The following SPAG16 variants were observed in gnomAD, a reference collection of about 807,000 sequenced individuals.
The protein encoded by SPAG16 is sperm associated antigen 16, also known as sperm-associated antigen 16 protein.
A neutral mutation model predicts 80.4 loss-of-function variants in SPAG16; 86 were observed. The ratio of observed to expected loss-of-function variants is 1.07; its 90% CI spans 0.90 to 1.28. The LOEUF (loss-of-function observed/expected upper bound fraction) is 1.28, where lower values mean the gene tolerates loss of function less well. Ranked by LOEUF, SPAG16 falls within the 50% of genes most tolerant of loss-of-function variation. The pLI is 0.00. For missense variants in SPAG16, 870 were observed against 765.3 expected (o/e 1.14, Z -1.61); for synonymous variants, 294 against 265.9 (o/e 1.11, Z -1.03).
chr2:213,972,202 T>C (rs1326420400), intron 12 of SPAG16, among the ~76,000 whole-genome samples: 1 of 151,364 alleles, frequency 6.6e-6, no homozygotes, highest in African/African-American at 2.4e-5. Context: ...TAAATCTCCT[T>C]TGGAGAAATG....
chr2:213,323,912 G>C (rs184260986), intron 5 of SPAG16, among the ~76,000 whole-genome samples: 1 of 152,202 alleles, frequency 6.6e-6, no homozygotes, highest in African/African-American at 2.4e-5. Context: ...CCATATATGA[G>C]GTATTTAATA....
intron 9 of SPAG16, among the ~76,000 whole-genome samples, chr2:213,446,240 AACCAG>A (rs1435899314): frequency 1.3e-5 from 2 of 152,212 alleles, no homozygotes; most frequent in African/African-American, 2.4e-5. Flanking sequence ...GATGGTTCAT[AACCAG>A]ACTGAAATGG....
chr2:213,799,193 T>C (rs1417548193), intron 10 of SPAG16, among the ~76,000 whole-genome samples: 2 of 152,186 alleles, frequency 1.3e-5, no homozygotes, highest in Non-Finnish European at 2.9e-5. Context: ...TTAAGTCTTC[T>C]GATACATGAA....
intron 9 of SPAG16, among the ~76,000 whole-genome samples, chr2:213,454,155 A>T (rs1159810805): frequency 6.6e-6 from 1 of 152,194 alleles, no homozygotes; most frequent in Non-Finnish European, 1.5e-5. Flanking sequence ...GATCATGGCC[A>T]CATAATCTAC....
At chr2:213,662,014 C>A (rs947066923) in intron 10 of SPAG16, among the ~76,000 whole-genome samples, 1 of 152,082 alleles carries the variant, frequency 6.6e-6, no homozygotes, top group African/African-American at 2.4e-5. Flanking sequence ...ATATTTCTAT[C>A]TTTTCCTTAG....
intron 10 of SPAG16, among the ~76,000 whole-genome samples, chr2:213,494,735 C>T (rs779937046): frequency 1.8e-4 from 27 of 152,124 alleles, no homozygotes; most frequent in Non-Finnish European, 3.1e-4. Context: ...AAATAAAACC[C>T]AAACTTACTA....
chr2:213,420,746 G>A (rs1212281392), intron 9 of SPAG16, among the ~76,000 whole-genome samples: 2 of 152,132 alleles, frequency 1.3e-5, no homozygotes, highest in Non-Finnish European at 2.9e-5. Flanking sequence ...AATGGCTTAT[G>A]GGTTAGTTTT....
At chr2:213,430,678 A>G (rs1156577652) in intron 9 of SPAG16, among the ~76,000 whole-genome samples, 2 of 152,162 alleles carry the variant, frequency 1.3e-5, no homozygotes, top group East Asian at 3.8e-4. Flanking sequence ...ATTGATGAAA[A>G]CTTCACTAGG....
intron 9 of SPAG16, among the ~76,000 whole-genome samples, chr2:213,478,602 T>G (rs928196402): frequency 3.3e-5 from 5 of 152,216 alleles, no homozygotes; most frequent in Admixed American, 1.3e-4. Context: ...ACAGTTTCTC[T>G]TTAGGAACTT....
Position 214,149,140 on chromosome 2 carries a change from G to C in SPAG16, c.1594G>C (p.Gly532Arg). 1 of 1,517,430 alleles carries C rather than the reference G, an allele frequency of 6.6e-7. No homozygotes were observed. The highest frequency in any genetic ancestry group is 8.8e-7 in the Non-Finnish European group (1 of 1,130,210). 94.0% of individuals were successfully genotyped at this position (1,517,430 alleles called of 1,614,324 possible). The change falls in exon 15 of 16, where the codon GGT becomes CGT. Residue 532 changes from glycine to arginine, a missense_variant and splice_region_variant. Gly to Arg is a moderately radical substitution (Grantham distance 125). Transcript: ENST00000331683. ...SINDAIFDPRGHMIASCDACG... is the reference protein window; with the variant it reads ...SINDAIFDPRRHMIASCDACG... Reference sequence around the variant, plus strand: ...TTTTTGTTTATCTTATATTTTGAAGGGTCACATGATAGCATCCTGTGATGC... The same window carrying C: ...TTTTTGTTTATCTTATATTTTGAAGCGTCACATGATAGCATCCTGTGATGC...
intron 15 of SPAG16, among the ~76,000 whole-genome samples, chr2:214,174,060 T>C (rs1423792235): frequency 6.6e-6 from 1 of 152,074 alleles, no homozygotes; most frequent in Non-Finnish European, 1.5e-5. Flanking sequence ...AAATACGGTA[T>C]TGATGGGACG....
intron 8 of SPAG16, among the ~76,000 whole-genome samples, chr2:213,371,875 CCATA>C (rs946800891): frequency 6.6e-6 from 1 of 151,988 alleles, no homozygotes; most frequent in Non-Finnish European, 1.5e-5. Flanking sequence ...GTAATTGCTG[CCATA>C]CAAAGATAAT....
At chr2:213,669,023 A>G (rs1469304271) in intron 10 of SPAG16, among the ~76,000 whole-genome samples, 1 of 152,100 alleles carries the variant, frequency 6.6e-6, no homozygotes, top group Non-Finnish European at 1.5e-5. Flanking sequence ...CAAAATGCAA[A>G]TTTTGCCTTT....
At chr2:213,447,722 G>A (rs1301191470) in intron 9 of SPAG16, among the ~76,000 whole-genome samples, 1 of 152,188 alleles carries the variant, frequency 6.6e-6, no homozygotes, top group East Asian at 1.9e-4. Flanking sequence ...CCTCCTTTGT[G>A]CTGTTAGTAG....
chr2:214,337,488 C>T (rs1306456228), intron 15 of SPAG16, among the ~76,000 whole-genome samples: 1 of 152,218 alleles, frequency 6.6e-6, no homozygotes, highest in Non-Finnish European at 1.5e-5. Flanking sequence ...ATGATAATGG[C>T]AGTCATATCC....
intron 9 of SPAG16, among the ~76,000 whole-genome samples, chr2:213,379,291 T>C (rs2067045778): frequency 6.6e-6 from 1 of 152,192 alleles, no homozygotes; most frequent in Non-Finnish European, 1.5e-5. Context: ...TGAATGCTGA[T>C]TCAGAGCATA....
At chr2:214,058,929 A>G (rs2050085576) in intron 13 of SPAG16, among the ~76,000 whole-genome samples, 1 of 152,038 alleles carries the variant, frequency 6.6e-6, no homozygotes, top group South Asian at 2.1e-4. Flanking sequence ...AAGGTTAATG[A>G]ATTCTTGACT....
intron 10 of SPAG16, among the ~76,000 whole-genome samples, chr2:213,861,314 G>A (rs1445501527): frequency 6.6e-6 from 1 of 152,162 alleles, no homozygotes. Context: ...TATAAATAAT[G>A]AGAAATGTTT....
At chr2:214,307,497 ATCTT>A (rs1241509981) in intron 15 of SPAG16, among the ~76,000 whole-genome samples, 3 of 150,366 alleles carry the variant, frequency 2.0e-5, no homozygotes, top group Admixed American at 6.6e-5. Context: ...TTAACTTGAG[ATCTT>A]TCTTTCTAAC....
Sources: allele counts gnomAD v4.1 joint callset (sites outside exome capture counted in the v4.1 genomes callset), GRCh38; gene constraint gnomAD v4.1.1; transcripts MANE v1.5; gene names NCBI Gene and HGNC (gene_info 2026-07-23, HGNC 2026-07-21).